Variants in LOC128462377 observed in about 807,000 individuals in gnomAD.
At chr16:89,323,423 C>G in the LOC128462377 span, 1 of 1,022,374 alleles carries the variant, frequency 9.8e-7, no homozygotes, top group African/African-American at 1.9e-5. Flanking sequence ...GGGGCTGAGC[C>G]GAGGGCAGGG....
the LOC128462377 span, among the ~76,000 whole-genome samples, chr16:89,362,891 C>G: frequency 6.6e-6 from 1 of 152,166 alleles, no homozygotes; most frequent in African/African-American, 2.4e-5. Flanking sequence ...AAGTTGCTAG[C>G]CAATCGGGAC....
chr16:89,328,585 G>A, the LOC128462377 span, among the ~76,000 whole-genome samples: 1 of 150,672 alleles, frequency 6.6e-6, no homozygotes. Context: ...ACACACCCAG[G>A]CGTACGGGTG....
At chr16:89,400,842 G>C in the LOC128462377 span, among the ~76,000 whole-genome samples, 1 of 152,036 alleles carries the variant, frequency 6.6e-6, no homozygotes, top group East Asian at 1.9e-4. Context: ...GTCATCTGAC[G>C]GGAACCCCTG....
chr16:89,353,502 G>C, the LOC128462377 span, among the ~76,000 whole-genome samples: 1 of 151,888 alleles, frequency 6.6e-6, no homozygotes, highest in South Asian at 2.1e-4. Context: ...TTTTGAGACA[G>C]AGTCTTACTG....
the LOC128462377 span, among the ~76,000 whole-genome samples, chr16:89,401,511 T>G: frequency 6.6e-6 from 1 of 152,220 alleles, no homozygotes; most frequent in Non-Finnish European, 1.5e-5. Flanking sequence ...ACATGATATA[T>G]TCAACATTTT....
the LOC128462377 span, among the ~76,000 whole-genome samples, chr16:89,382,728 C>A: frequency 6.6e-6 from 1 of 152,226 alleles, no homozygotes; most frequent in African/African-American, 2.4e-5. Context: ...AATCCTCCTG[C>A]CTCGGCCTCC....
chr16:89,381,114 G>T, the LOC128462377 span, among the ~76,000 whole-genome samples: 1 of 152,258 alleles, frequency 6.6e-6, no homozygotes, highest in South Asian at 2.1e-4. Flanking sequence ...TTTGAGATCA[G>T]GAGTTTGAGA....
At chr16:89,340,925 G>A in the LOC128462377 span, among the ~76,000 whole-genome samples, 1 of 152,280 alleles carries the variant, frequency 6.6e-6, no homozygotes, top group East Asian at 1.9e-4. Context: ...GTCCAAATGT[G>A]GGCAGTGATG....
the LOC128462377 span, among the ~76,000 whole-genome samples, chr16:89,372,631 TAAAG>T: frequency 4.6e-5 from 7 of 152,112 alleles, no homozygotes; most frequent in Non-Finnish European, 7.4e-5. Flanking sequence ...AAAAAATGTT[TAAAG>T]AAAGAAAAAA....
At chr16:89,410,215 C>T in the LOC128462377 span, among the ~76,000 whole-genome samples, 2 of 152,184 alleles carry the variant, frequency 1.3e-5, no homozygotes, top group Non-Finnish European at 2.9e-5. Flanking sequence ...CTCACAGATG[C>T]CAACCCGGTG....
chr16:89,344,628 G>A, the LOC128462377 span, among the ~76,000 whole-genome samples: 2 of 152,226 alleles, frequency 1.3e-5, no homozygotes, highest in African/African-American at 4.8e-5. Flanking sequence ...CCAGGCTGAG[G>A]GGCCCAGGAA....
At chr16:89,367,876 T>C in the LOC128462377 span, among the ~76,000 whole-genome samples, 3 of 152,012 alleles carry the variant, frequency 2.0e-5, no homozygotes, top group Non-Finnish European at 4.4e-5. Flanking sequence ...CACGGTGGTG[T>C]GCTTGTGGTA....
At chr16:89,352,445 T>C in the LOC128462377 span, among the ~76,000 whole-genome samples, 91 of 151,322 alleles carry the variant, frequency 6.0e-4, no homozygotes, top group Middle Eastern at 0.01. Context: ...AGGAGGGCAC[T>C]TGCTGATGCT....
chr16:89,409,068 G>C, the LOC128462377 span, among the ~76,000 whole-genome samples: 1 of 152,212 alleles, frequency 6.6e-6, no homozygotes, highest in South Asian at 2.1e-4. Context: ...CTGCACAAAA[G>C]GCCAGAGCAG....
the LOC128462377 span, chr16:89,373,156 T>C: frequency 6.6e-6 from 1 of 152,242 alleles, no homozygotes; most frequent in African/African-American, 2.4e-5. Flanking sequence ...ACAGAAGCAA[T>C]GGAAAAGGCC....
At chr16:89,350,088 C>T in the LOC128462377 span, among the ~76,000 whole-genome samples, 3 of 152,278 alleles carry the variant, frequency 2.0e-5, no homozygotes, top group African/African-American at 7.2e-5. Context: ...AAAAAAGCCA[C>T]ATGAAAAGAC....
chr16:89,339,697 A>C, the LOC128462377 span, among the ~76,000 whole-genome samples: 1 of 152,248 alleles, frequency 6.6e-6, no homozygotes, highest in Admixed American at 6.5e-5. Context: ...GAATACAAAC[A>C]CACATCCACC....
chr16:89,404,796 T>G, the LOC128462377 span, among the ~76,000 whole-genome samples: 1 of 152,234 alleles, frequency 6.6e-6, no homozygotes, highest in Admixed American at 6.5e-5. Flanking sequence ...ATTCTGAGGA[T>G]GAAGGCATCA....
chr16:89,336,226 C>G, the LOC128462377 span, among the ~76,000 whole-genome samples: 83,617 of 152,078 alleles, frequency 0.55, 23,523 homozygotes, highest in African/African-American at 0.68. Context: ...TTGAGGGGTT[C>G]AGGCAAGAGC....
Sources: allele counts gnomAD v4.1 joint callset (sites outside exome capture counted in the v4.1 genomes callset), GRCh38; gene constraint gnomAD v4.1.1; transcripts MANE v1.5.